Variants in VTI1A observed in about 807,000 individuals in gnomAD.
The protein encoded by VTI1A is vesicle transport through interaction with t-SNAREs 1A.
Under a neutral mutation model 34.9 loss-of-function variants are expected in VTI1A, and 22 were observed. That is an observed-to-expected ratio of 0.63 (90% confidence interval 0.45 to 0.90). The LOEUF is 0.90. Among genes scored for constraint, VTI1A ranks in the 40% least tolerant of loss-of-function variants. The pLI, the probability that VTI1A is intolerant of heterozygous loss-of-function variation, is 0.00. For synonymous variants in VTI1A, 87 were observed against 97.3 expected, an observed-to-expected ratio of 0.89 and a Z score of 0.62; for missense variants, 268 against 275.6, an observed-to-expected ratio of 0.97 and a Z score of 0.20.
the VTI1A span, among the ~76,000 whole-genome samples, chr10:112,838,220 G>T: frequency 9.6e-4 from 146 of 152,300 alleles, 1 homozygote; most frequent in Middle Eastern, 0.014. Context: ...CTGCTCCCAA[G>T]ACAGCCCCAG....
intron 3 of VTI1A, among the ~76,000 whole-genome samples, chr10:112,498,744 A>AT (rs370779938): frequency 3.6e-4 from 53 of 148,660 alleles, no homozygotes; most frequent in South Asian, 1.7e-3. Context: ...TTTGACCACC[A>AT]TTTTTTTTTT....
intron 5 of VTI1A, among the ~76,000 whole-genome samples, chr10:112,630,894 G>A (rs573626887): frequency 6.6e-6 from 1 of 152,268 alleles, no homozygotes; most frequent in South Asian, 2.1e-4. Context: ...GGCTGAGGGG[G>A]GCGGATCACC....
chr10:112,717,982 C>T (rs1042777562), intron 7 of VTI1A, among the ~76,000 whole-genome samples: 3 of 152,160 alleles, frequency 2.0e-5, no homozygotes, highest in African/African-American at 7.2e-5. Flanking sequence ...TTGCTCCCTT[C>T]CCACAGCAAA....
chr10:112,634,694 G>T lies in VTI1A; in HGVS notation c.428-33524G>T, dbSNP rs926266889. 2.0e-5 allele frequency among the ~76,000 whole-genome samples: 3 copies of T among 152,052 alleles called. No homozygotes were observed. In the East Asian group the frequency reaches 5.8e-4, roughly 29 times the overall value. On this transcript the variant is annotated intron_variant, in intron 5 of 7. Coordinates refer to ENST00000393077, the MANE Select transcript of VTI1A (RefSeq NM_145206.4). ...ATCACTCAGCATCTCCATTAGACAA[G>T]CTGTTTAAAAATCTTCTACGTAATT...
chr10:112,678,139 C>A (rs926168421), intron 7 of VTI1A, among the ~76,000 whole-genome samples: 14 of 152,178 alleles, frequency 9.2e-5, no homozygotes, highest in African/African-American at 3.4e-4. Context: ...ATTATTTAAT[C>A]ACAATGGAAA....
At chr10:112,502,294 A>G in intron 3 of VTI1A, among the ~76,000 whole-genome samples, 1 of 151,972 alleles carries the variant, frequency 6.6e-6, no homozygotes, top group East Asian at 1.9e-4. Flanking sequence ...TTGTCCTCCC[A>G]AAGTGTTGAG....
At chr10:112,564,342 A>T (rs936585930) in intron 5 of VTI1A, among the ~76,000 whole-genome samples, 2 of 152,090 alleles carry the variant, frequency 1.3e-5, no homozygotes, top group Non-Finnish European at 2.9e-5. Context: ...AACCAAACAG[A>T]AATAATTTTC....
At chr10:112,684,660 C>G (rs1263667565) in intron 7 of VTI1A, among the ~76,000 whole-genome samples, 1 of 152,016 alleles carries the variant, frequency 6.6e-6, no homozygotes, top group African/African-American at 2.4e-5. Flanking sequence ...AGGTTGGTCT[C>G]GAACTGCTGA....
At chr10:112,735,976 G>T (rs765021423) in intron 7 of VTI1A, among the ~76,000 whole-genome samples, 1 of 150,044 alleles carries the variant, frequency 6.7e-6, no homozygotes, top group Non-Finnish European at 1.5e-5. Context: ...ACATGACTTT[G>T]TTCTGAGTGG....
In VTI1A at chr10:112,697,399, C is replaced by CTTTTCTT. The variant is rs745391297; in HGVS notation, c.560+28405_560+28406insCTTTTTT. Among the ~76,000 whole-genome samples, 339 of 113,986 alleles carry CTTTTCTT rather than the reference C, an allele frequency of 3.0e-3. 3 individuals carry two copies. The highest frequency in any genetic ancestry group is 0.012 in the African/African-American group (297 of 24,330). The allele number at this position is 113,986 out of a possible 152,430, so 74.8% of individuals were successfully genotyped here. A position where few individuals can be genotyped will look rare whatever the true frequency, so the allele number is the denominator to read the frequency against. On this transcript the variant is annotated intron_variant, in intron 7 of 7. Transcript: ENST00000393077. ...ATTTTCTTTTCTTTTCTTTTCTTTT[C>CTTTTCTT]TTTTTTTTTTTTTTTTTGAGAGAGT...
At chr10:112,578,288 C>T (rs760671882) in intron 5 of VTI1A, among the ~76,000 whole-genome samples, 7 of 152,040 alleles carry the variant, frequency 4.6e-5, no homozygotes, top group Non-Finnish European at 8.8e-5. Context: ...AATCAACAGA[C>T]GCAGCAATTT....
At chr10:112,784,717 C>A (rs544989191) in intron 7 of VTI1A, among the ~76,000 whole-genome samples, 1 of 152,284 alleles carries the variant, frequency 6.6e-6, no homozygotes, top group Admixed American at 6.5e-5. Flanking sequence ...CCCTTCATCC[C>A]AGAGTGCCCA....
intron 7 of VTI1A, among the ~76,000 whole-genome samples, chr10:112,786,565 C>T (rs996840648): frequency 6.6e-6 from 1 of 152,152 alleles, no homozygotes; most frequent in African/African-American, 2.4e-5. Context: ...GTATGATATT[C>T]GCTGTAAATT....
At chr10:112,719,184 C>T (rs777821417) in intron 7 of VTI1A, among the ~76,000 whole-genome samples, 6 of 152,134 alleles carry the variant, frequency 3.9e-5, no homozygotes, top group Admixed American at 6.5e-5. Flanking sequence ...AGTCGATCCT[C>T]GGTAGTAAAA....
intron 7 of VTI1A, among the ~76,000 whole-genome samples, chr10:112,789,271 T>C (rs977763784): frequency 6.6e-6 from 1 of 152,240 alleles, no homozygotes; most frequent in Non-Finnish European, 1.5e-5. Flanking sequence ...GAAAAGTCTT[T>C]ATGTCACCTT....
At chr10:112,459,445 A>G (rs1222881313) in intron 1 of VTI1A, among the ~76,000 whole-genome samples, 2 of 152,076 alleles carry the variant, frequency 1.3e-5, no homozygotes, top group Admixed American at 6.6e-5. Flanking sequence ...CCACCGCCCA[A>G]CTCCCAGATG....
chr10:112,813,297 T>G lies in VTI1A; in HGVS notation c.561-1993T>G, dbSNP rs564287900. 7.9e-5 allele frequency among the ~76,000 whole-genome samples: 12 copies of G among 152,364 alleles called. No homozygotes were observed. In the South Asian group the frequency reaches 2.3e-3, roughly 29 times the overall value. On this transcript the variant is annotated intron_variant, in intron 7 of 7. Coordinates refer to ENST00000393077, the MANE Select transcript of VTI1A (RefSeq NM_145206.4). ...AGTAACACCCACAGTTAATCCTTTCTAAATTAGCATCATGGATGCCTTGGG... is the reference window on the plus strand; with the variant it reads ...AGTAACACCCACAGTTAATCCTTTCGAAATTAGCATCATGGATGCCTTGGG...
chr10:112,585,500 CAT>C (rs1419452226), intron 5 of VTI1A, among the ~76,000 whole-genome samples: 1 of 152,116 alleles, frequency 6.6e-6, no homozygotes, highest in Non-Finnish European at 1.5e-5. Context: ...GTCATCCTAA[CAT>C]ATGCAATGAT....
At chr10:112,678,989 A>G (rs1360446827) in intron 7 of VTI1A, among the ~76,000 whole-genome samples, 3 of 151,126 alleles carry the variant, frequency 2.0e-5, no homozygotes, top group African/African-American at 4.9e-5. Flanking sequence ...GTTTTTTTCT[A>G]TAATATAAAA....
Sources: gnomAD v4.1 joint callset for allele counts (sites outside exome capture counted in the v4.1 genomes callset) on GRCh38, gnomAD v4.1.1 for gene constraint, MANE v1.5 for transcripts, NCBI Gene and HGNC (gene_info 2026-07-23, HGNC 2026-07-21) for gene names.